The following MDFIC2 variants were observed in gnomAD, a reference collection of about 807,000 sequenced individuals.
MDFIC2 encodes the protein myoD family inhibitor domain-containing protein 2.
At chr3:70,197,250 T>G (rs1220944346) in intron 3 of MDFIC2, 65 bp from the exon 4 acceptor site, 3 of 397,850 alleles carry the variant, frequency 7.5e-6, no homozygotes, top group Non-Finnish European at 1.3e-5. Context: ...GACAGGCATG[T>G]GTGCTGGGAT....
rs1701180332 is a variant in MDFIC2, at chr3:70,196,351, G to A, written c.*575C>T. On this transcript the variant is annotated 3_prime_UTR_variant, in exon 4 of 4. Coordinates refer to ENST00000567252, the MANE Select transcript of MDFIC2 (RefSeq NM_001364677.1). The stretch of plus-strand genomic sequence containing the variant: ...TTAGAGACATCTGTTGTAATTACAG[G>A]AACATGGTTTCTAATTCATTTAATT... Among the ~76,000 whole-genome samples, 1 of 152,096 alleles carries A rather than the reference G, an allele frequency of 6.6e-6. No individual in the cohort carries two copies. The highest frequency in any genetic ancestry group is 2.4e-5 in the African/African-American group (1 of 41,410).
chr3:70,236,285 C>T (rs1008739608), intron 2 of MDFIC2, among the ~76,000 whole-genome samples: 5 of 152,168 alleles, frequency 3.3e-5, no homozygotes, highest in East Asian at 3.9e-4. Flanking sequence ...CACTTTGAGA[C>T]TTTAAACTCC....
At chr3:70,222,004 A>G (rs6808840) in intron 2 of MDFIC2, among the ~76,000 whole-genome samples, 70,539 of 151,958 alleles carry the variant, frequency 0.46, 16,595 homozygotes, top group East Asian at 0.71. Context: ...AAAAATGTCA[A>G]GTGTTCCATA....
chr3:70,279,620 T>G (rs11128171), intron 2 of MDFIC2, among the ~76,000 whole-genome samples: 151,494 of 152,232 alleles, frequency 1, 75,389 homozygotes, highest in East Asian at 1. Flanking sequence ...AGATTTGCGT[T>G]GCTCTCTTGC....
intron 2 of MDFIC2, among the ~76,000 whole-genome samples, chr3:70,296,374 T>G (rs1169265687): frequency 6.6e-6 from 1 of 152,190 alleles, no homozygotes; most frequent in Non-Finnish European, 1.5e-5. Flanking sequence ...CTGTTAACTA[T>G]GGGTTCCAGA....
intron 2 of MDFIC2, chr3:70,249,293 G>A (rs1214462289): frequency 6.6e-6 from 1 of 152,110 alleles, no homozygotes; most frequent in South Asian, 2.1e-4. Context: ...TTTATGTAGT[G>A]CCTTCTTTCT....
At chr3:70,245,692 TATATATATATATATATATATATAC>T (rs1214669431) in intron 2 of MDFIC2, among the ~76,000 whole-genome samples, 1 of 135,766 alleles carries the variant, frequency 7.4e-6, no homozygotes, top group Non-Finnish European at 1.6e-5. Flanking sequence ...TATATATATA[TATATATATATATATATATATATAC>T]ACATTCAAAT....
At chr3:70,272,149 A>G (rs1701981585) in intron 2 of MDFIC2, 1 of 152,198 alleles carries the variant, frequency 6.6e-6, no homozygotes, top group Non-Finnish European at 1.5e-5. Flanking sequence ...TGTCCGAAGT[A>G]TATGTAATGT....
chr3:70,252,611 G>A (rs1268317795), intron 2 of MDFIC2, among the ~76,000 whole-genome samples: 1 of 152,196 alleles, frequency 6.6e-6, no homozygotes, highest in African/African-American at 2.4e-5. Flanking sequence ...GTAAACCGGA[G>A]AAGATGTGCC....
intron 2 of MDFIC2, among the ~76,000 whole-genome samples, chr3:70,294,475 AG>A (rs1702271091): frequency 6.6e-6 from 1 of 152,178 alleles, no homozygotes; most frequent in South Asian, 2.1e-4. Context: ...CAAAAAAGTC[AG>A]AAAAAAGGAG....
intron 2 of MDFIC2, among the ~76,000 whole-genome samples, chr3:70,272,643 T>G (rs1052943727): frequency 3.3e-5 from 5 of 152,330 alleles, no homozygotes; most frequent in Admixed American, 2.0e-4. Flanking sequence ...CCCAGTCGAA[T>G]GGCAGGTGTA....
intron 3 of MDFIC2, among the ~76,000 whole-genome samples, chr3:70,204,136 A>G (rs2106722228): frequency 6.6e-6 from 1 of 152,280 alleles, no homozygotes. Context: ...AATGTATATA[A>G]ATAATAGATA....
intron 2 of MDFIC2, among the ~76,000 whole-genome samples, chr3:70,268,249 T>C (rs1701940258): frequency 6.6e-6 from 1 of 152,044 alleles, no homozygotes; most frequent in African/African-American, 2.4e-5. Flanking sequence ...GGCAGGCAGA[T>C]TGCCTGAGCG....
intron 2 of MDFIC2, among the ~76,000 whole-genome samples, chr3:70,300,655 T>C (rs1283008810): frequency 6.6e-6 from 1 of 152,092 alleles, no homozygotes; most frequent in Non-Finnish European, 1.5e-5. Flanking sequence ...CAGTTGTATC[T>C]AGGGGAATCC....
intron 2 of MDFIC2, among the ~76,000 whole-genome samples, chr3:70,231,851 A>C (rs893318936): frequency 6.6e-6 from 1 of 152,134 alleles, no homozygotes; most frequent in African/African-American, 2.4e-5. Context: ...GGAAGCTACT[A>C]AACAGGCCTG....
chr3:70,244,450 G>A (rs538806439), intron 2 of MDFIC2, among the ~76,000 whole-genome samples: 3 of 152,122 alleles, frequency 2.0e-5, no homozygotes, highest in African/African-American at 4.8e-5. Flanking sequence ...GTAAAGGAAC[G>A]GAGTAATCAA....
intron 3 of MDFIC2, among the ~76,000 whole-genome samples, chr3:70,199,872 G>A (rs1032497332): frequency 1.3e-5 from 2 of 152,094 alleles, no homozygotes; most frequent in Middle Eastern, 3.2e-3. Flanking sequence ...GCTATTGCCT[G>A]CTGCACGTCT....
intron 2 of MDFIC2, chr3:70,291,162 G>T (rs1393004270): frequency 2.6e-5 from 4 of 152,222 alleles, no homozygotes; most frequent in African/African-American, 9.6e-5. Flanking sequence ...TCACATATTT[G>T]CATGTTTAAC....
chr3:70,252,607 C>T (rs6549305), intron 2 of MDFIC2, among the ~76,000 whole-genome samples: 146,456 of 152,260 alleles, frequency 0.96, 70,657 homozygotes, highest in Non-Finnish European at 1. Flanking sequence ...CATGGTAAAC[C>T]GGAGAAGATG....
Sources: gnomAD v4.1 joint callset for allele counts (sites outside exome capture counted in the v4.1 genomes callset) on GRCh38, gnomAD v4.1.1 for gene constraint, MANE v1.5 for transcripts, NCBI Gene and HGNC (gene_info 2026-07-23, HGNC 2026-07-21) for gene names.